FMN1: variants seen among roughly 807,000 people sequenced by gnomAD.
FMN1 encodes formin 1.
A neutral mutation model predicts 132.4 loss-of-function variants in FMN1; 110 were observed. That is an observed-to-expected ratio of 0.83 (90% CI 0.71 to 0.97). FMN1 has a LOEUF of 0.97. FMN1 is among the 50% of genes least tolerant of loss of function. The pLI is 0.00. For synonymous variants in FMN1, 722 were observed against 651.7 expected, an observed-to-expected ratio of 1.11 and a Z score of -1.64; for missense variants, 1,792 against 1,705.3, an observed-to-expected ratio of 1.05 and a Z score of -0.90.
chr15:32,927,021 C>A (rs1386401952), intron 9 of FMN1, among the ~76,000 whole-genome samples: 2 of 152,190 alleles, frequency 1.3e-5, no homozygotes, highest in Admixed American at 1.3e-4. Flanking sequence ...TGATCCCAAA[C>A]CCTAAATTCA....
chr15:33,119,039 G>T (rs1414357317), intron 4 of FMN1, among the ~76,000 whole-genome samples: 1 of 152,148 alleles, frequency 6.6e-6, no homozygotes, highest in African/African-American at 2.4e-5. Flanking sequence ...GGTATCAACT[G>T]GAGGACATCT....
At position 32,908,666 on chromosome 15, in the gene FMN1, G is replaced by A. The variant is rs66965190; in HGVS notation, c.3289-88C>T. On this transcript the variant is annotated intron_variant, in intron 11 of 20. Transcript: ENST00000616417. ...CTATGGCAGTGGGTCTCAAAGTCTC[G>A]AAGTGTGGTTCCTAGACTAGCAGCA... 79,041 of 773,848 alleles carry A rather than the reference G, an allele frequency of 0.1. 5,415 individuals carry two copies. The highest frequency in any genetic ancestry group is 0.27 in the African/African-American group (14,702 of 55,050). The allele number at this position is 773,848 out of a possible 1,614,324, so 47.9% of individuals were successfully genotyped here.
intron 9 of FMN1, among the ~76,000 whole-genome samples, chr15:32,952,750 C>G: frequency 6.6e-6 from 1 of 152,222 alleles, no homozygotes; most frequent in Middle Eastern, 3.4e-3. Flanking sequence ...ATGCCTAATG[C>G]GACTAATAAG....
intron 4 of FMN1, among the ~76,000 whole-genome samples, chr15:33,111,522 G>T (rs550719873): frequency 6.6e-6 from 1 of 152,156 alleles, no homozygotes; most frequent in Non-Finnish European, 1.5e-5. Context: ...ACAAAAACTT[G>T]TACACAAATG....
intron 6 of FMN1, among the ~76,000 whole-genome samples, chr15:33,023,989 A>G (rs1021140641): frequency 6.6e-6 from 1 of 152,150 alleles, no homozygotes; most frequent in Admixed American, 6.5e-5. Flanking sequence ...ATAAATGGAG[A>G]AGACATTTGC....
At chr15:33,091,647 G>A (rs1374854646) in intron 4 of FMN1, among the ~76,000 whole-genome samples, 1 of 152,174 alleles carries the variant, frequency 6.6e-6, no homozygotes, top group African/African-American at 2.4e-5. Context: ...AAATGACAAA[G>A]TCAACATTCT....
chr15:32,832,370 G>A (rs2141166401), intron 17 of FMN1, among the ~76,000 whole-genome samples: 1 of 152,282 alleles, frequency 6.6e-6, no homozygotes, highest in Non-Finnish European at 1.5e-5. Flanking sequence ...GCTGTAATTT[G>A]CAAAGGAGCT....
At chr15:32,856,789 A>T (rs1243807827) in intron 17 of FMN1, among the ~76,000 whole-genome samples, 1 of 152,242 alleles carries the variant, frequency 6.6e-6, no homozygotes, top group Non-Finnish European at 1.5e-5. Context: ...CCAGAGTAAC[A>T]TTCAAGAATT....
Position 32,955,810 on chromosome 15 carries a change from C to CGTGTGTGT in FMN1, c.3138+8289_3138+8296dup, listed in dbSNP as rs71682708. Among the ~76,000 whole-genome samples, 111 of 150,206 alleles carry CGTGTGTGT rather than the reference C, an allele frequency of 7.4e-4. 2 individuals are homozygous for CGTGTGTGT. The highest frequency in any genetic ancestry group is 2.7e-3 in the African/African-American group (110 of 41,182). On this transcript the variant is annotated intron_variant, in intron 9 of 20. Transcript: ENST00000616417. ...GATTTTAAAGATGTGTGTGCGTGTGCGTGTGTGTGTGTGTGTGCGTGCGCG... is the reference window on the plus strand; with the variant it reads ...GATTTTAAAGATGTGTGTGCGTGTGCGTGTGTGTGTGTGTGTGTGTGTGTGCGTGCGCG...
intron 7 of FMN1, among the ~76,000 whole-genome samples, chr15:32,983,049 C>A (rs745436287): frequency 2.7e-4 from 41 of 152,092 alleles, no homozygotes; most frequent in Non-Finnish European, 5.3e-4. Flanking sequence ...ACGCACACAT[C>A]CTATTACTTA....
intron 5 of FMN1, among the ~76,000 whole-genome samples, chr15:33,076,665 C>A (rs2038223442): frequency 6.6e-6 from 1 of 152,128 alleles, no homozygotes. Flanking sequence ...TTGCATTTGA[C>A]AGATTATTAC....
chr15:32,811,919 G>A (rs779179473), intron 17 of FMN1, among the ~76,000 whole-genome samples: 2 of 152,082 alleles, frequency 1.3e-5, no homozygotes, highest in Non-Finnish European at 2.9e-5. Context: ...AAAGTGCTGG[G>A]ATTACAAGCA....
At chr15:32,921,023 C>T (rs768820416) in intron 10 of FMN1, among the ~76,000 whole-genome samples, 5 of 152,202 alleles carry the variant, frequency 3.3e-5, no homozygotes, top group Non-Finnish European at 5.9e-5. Flanking sequence ...GCTGGGGATA[C>T]ATCAGTGAGC....
At chr15:32,819,905 C>T (rs74011839) in intron 17 of FMN1, among the ~76,000 whole-genome samples, 21,689 of 152,080 alleles carry the variant, frequency 0.14, 1,898 homozygotes, top group East Asian at 0.46. Flanking sequence ...GTATTACCTA[C>T]CATTTTTCGC....
Position 32,771,028 on chromosome 15 carries a change from G to A in FMN1, c.*3282C>T, listed in dbSNP as rs1411155257. ...TTTCCCCAGTAAGCTGCCACTTATT[G>A]AGATAAAAGCCATACAGCACACCTC... On this transcript the variant is annotated 3_prime_UTR_variant, in exon 21 of 21. Coordinates refer to ENST00000616417, the MANE Select transcript of FMN1 (RefSeq NM_001277313.2). The A allele has an allele frequency of 6.6e-6, 1 of 151,308 alleles. No individual in the cohort carries two copies. The highest frequency in any genetic ancestry group is 1.5e-5 in the Non-Finnish European group (1 of 67,930). 9.4% of individuals were successfully genotyped at this position (151,308 alleles called of 1,614,324 possible).
intron 9 of FMN1, among the ~76,000 whole-genome samples, chr15:32,963,036 A>C (rs1362617807): frequency 6.9e-6 from 1 of 143,904 alleles, no homozygotes; most frequent in Non-Finnish European, 1.5e-5. Flanking sequence ...ATAAAGACAC[A>C]TGCACACGTA....
chr15:32,989,218 G>T (rs190715204), intron 7 of FMN1, among the ~76,000 whole-genome samples: 1 of 152,172 alleles, frequency 6.6e-6, no homozygotes, highest in Non-Finnish European at 1.5e-5. Flanking sequence ...ACTGTTTGTT[G>T]TTTAGTGAAA....
At chr15:32,900,573 A>T (rs2060270219) in intron 13 of FMN1, among the ~76,000 whole-genome samples, 2 of 152,340 alleles carry the variant, frequency 1.3e-5, no homozygotes, top group African/African-American at 4.8e-5. Flanking sequence ...GCAGATACAG[A>T]AGAAGTATGT....
At chr15:33,046,006 T>A (rs183175507) in intron 6 of FMN1, among the ~76,000 whole-genome samples, 1 of 152,306 alleles carries the variant, frequency 6.6e-6, no homozygotes, top group African/African-American at 2.4e-5. Context: ...TATGAAATAA[T>A]AAAAGATTCA....
Sources: allele counts gnomAD v4.1 joint callset (sites outside exome capture counted in the v4.1 genomes callset), GRCh38; gene constraint gnomAD v4.1.1; transcripts MANE v1.5; gene names NCBI Gene and HGNC (gene_info 2026-07-23, HGNC 2026-07-21).